ALK: variants seen among roughly 807,000 people sequenced by gnomAD.
ALK encodes ALK receptor tyrosine kinase.
A neutral mutation model predicts 163.1 loss-of-function variants in ALK; 74 were observed. The observed-to-expected ratio is 0.45, with a 90% CI of 0.38 to 0.55. The LOEUF is 0.55. Ranked by LOEUF, ALK falls within the 20% of genes least tolerant of loss-of-function variation. The pLI is 0.00. For synonymous variants in ALK, 960 were observed against 843.2 expected (o/e 1.14, Z -2.40); for missense variants, 2,063 against 2,105.3 (o/e 0.98, Z 0.39).
chr2:29,233,625 T>G lies in ALK; in HGVS notation c.2427A>C (p.Arg809Ser). ...NVIEEEIRVNRSVHEWAGGGG... is the reference protein window; with the variant it reads ...NVIEEEIRVNSSVHEWAGGGG... ...CGCCTCCTGCCCACTCATGCACGCT[T>G]CTGTTCACACGGATTTCTTCTTCTA... The change falls in exon 14 of 29, where the codon AGA becomes AGC. Residue 809 changes from arginine (R) to serine (S), a missense_variant. Physicochemically the swap from Arg to Ser is moderately radical, Grantham distance 110. Around this residue, in one of 5 missense-constraint regions of ALK, gnomAD observed 575 missense variants for 626.6 expected, o/e 0.92. Coordinates refer to ENST00000389048, the MANE Select transcript of ALK (RefSeq NM_004304.5). 2 of 1,614,252 alleles carry G rather than the reference T, an allele frequency of 1.2e-6. No individual in the cohort carries two copies. The highest frequency in any genetic ancestry group is 1.7e-6 in the Non-Finnish European group (2 of 1,180,046).
intron 3 of ALK, among the ~76,000 whole-genome samples, chr2:29,649,253 CGT>C (rs141701874): frequency 2.0e-4 from 28 of 138,382 alleles, no homozygotes; most frequent in South Asian, 1.6e-3. Flanking sequence ...AAAGTGCGTG[CGT>C]GTGTGTGTGT....
intron 11 of ALK, among the ~76,000 whole-genome samples, chr2:29,272,235 G>A (rs1665411736): frequency 6.6e-6 from 1 of 151,844 alleles, no homozygotes; most frequent in Admixed American, 6.6e-5. Flanking sequence ...GCAGCCCCGT[G>A]GTCACATTAC....
At chr2:29,739,674 G>T (rs1679997338) in intron 1 of ALK, among the ~76,000 whole-genome samples, 2 of 151,966 alleles carry the variant, frequency 1.3e-5, no homozygotes, top group Admixed American at 6.6e-5. Context: ...ATATATTCGA[G>T]CCTCCTTTTT....
chr2:29,419,612 T>C (rs746964325), intron 4 of ALK, among the ~76,000 whole-genome samples: 2 of 151,482 alleles, frequency 1.3e-5, no homozygotes, highest in African/African-American at 2.5e-5. Flanking sequence ...AAAATGAGAA[T>C]GGTCATTTGT....
At chr2:29,474,242 T>G (rs1405622561) in intron 4 of ALK, among the ~76,000 whole-genome samples, 1 of 152,180 alleles carries the variant, frequency 6.6e-6, no homozygotes, top group African/African-American at 2.4e-5. Context: ...TAGTTAATAC[T>G]ATCAAATAAA....
Position 29,196,858 on chromosome 2 carries a change from T to TATCTAAAAG in ALK, c.4074-7_4075dup (p.Val1358_Tyr1359insSerPheArg). ...TTGCCAGCACTGAGTCATTATCCGG[T>TATCTAAAAG]ATCTAAAAGAAGAAGCACATTAATT... On this transcript the variant is annotated inframe_insertion and splice_region_variant, in exon 28 of 29. Coordinates refer to ENST00000389048, the MANE Select transcript of ALK (RefSeq NM_004304.5). 6.2e-7 allele frequency: 1 copy of TATCTAAAAG among 1,610,306 alleles called. No individual in the cohort carries two copies. The highest frequency in any genetic ancestry group is 8.5e-7 in the Non-Finnish European group (1 of 1,176,526).
At chr2:29,251,710 C>G (rs1385538566) in intron 11 of ALK, among the ~76,000 whole-genome samples, 2 of 152,234 alleles carry the variant, frequency 1.3e-5, no homozygotes, top group East Asian at 3.8e-4. Context: ...GGGCAAACAA[C>G]AGGTGCTCAA....
intron 1 of ALK, among the ~76,000 whole-genome samples, chr2:29,822,513 T>C (rs1665075438): frequency 6.6e-6 from 1 of 152,214 alleles, no homozygotes. Context: ...GGCTGCCTCA[T>C]TTCAGCCAGC....
intron 6 of ALK, among the ~76,000 whole-genome samples, chr2:29,327,700 AT>A (rs1470158987): frequency 6.6e-6 from 1 of 152,200 alleles, no homozygotes; most frequent in Non-Finnish European, 1.5e-5. Context: ...AAGTGGGTGA[AT>A]TGTATGTGAA....
Position 29,792,846 on chromosome 2 carries a change from G to A in ALK, c.668-75149C>T, listed in dbSNP as rs76914512. Among the ~76,000 whole-genome samples the A allele has an allele frequency of 5.6e-3, 859 of 152,252 alleles. 12 individuals carry two copies. Among genetic ancestry groups the A allele is most frequent in the African/African-American group, 0.019 (782 of 41,546 alleles). ...AAAATACTTTATTGCTAAAATGGCTGACAATCATCTGGGTCTTTGGTGAGT... is the reference window on the plus strand; with the variant it reads ...AAAATACTTTATTGCTAAAATGGCTAACAATCATCTGGGTCTTTGGTGAGT... On this transcript the variant is annotated intron_variant, in intron 1 of 28. Coordinates refer to ENST00000389048, the MANE Select transcript of ALK (RefSeq NM_004304.5).
At chr2:29,297,121 C>A in intron 8 of ALK, 64 bp from the exon 9 acceptor site, 1 of 1,603,384 alleles carries the variant, frequency 6.2e-7, no homozygotes, top group South Asian at 1.1e-5. Flanking sequence ...TTCTGGAATT[C>A]TCCACTGAAG....
chr2:29,787,814 C>G (rs1336568485), intron 1 of ALK, among the ~76,000 whole-genome samples: 1 of 152,124 alleles, frequency 6.6e-6, no homozygotes. Context: ...GACCTACATC[C>G]CAACCAAATG....
intron 1 of ALK, among the ~76,000 whole-genome samples, chr2:29,792,049 A>C (rs1031342342): frequency 1.3e-5 from 2 of 152,244 alleles, no homozygotes; most frequent in African/African-American, 4.8e-5. Flanking sequence ...ATTCTAACCA[A>C]AACATGAATA....
chr2:29,310,180 G>C (rs907085451), intron 8 of ALK, among the ~76,000 whole-genome samples: 2 of 152,196 alleles, frequency 1.3e-5, no homozygotes, highest in African/African-American at 4.8e-5. Flanking sequence ...AGTATTTATA[G>C]ATTTGGTTGG....
At chr2:29,901,504 C>T (rs982766544) in intron 1 of ALK, among the ~76,000 whole-genome samples, 2 of 152,170 alleles carry the variant, frequency 1.3e-5, no homozygotes, top group African/African-American at 4.8e-5. Context: ...CAAAGGCAAG[C>T]TTGGTGCCAG....
intron 3 of ALK, among the ~76,000 whole-genome samples, chr2:29,552,564 T>C (rs1351678306): frequency 6.6e-6 from 1 of 152,204 alleles, no homozygotes; most frequent in Non-Finnish European, 1.5e-5. Context: ...TGCGAAGTGG[T>C]ATCCCATGGT....
intron 4 of ALK, among the ~76,000 whole-genome samples, chr2:29,522,748 G>T (rs1372469833): frequency 1.3e-5 from 2 of 152,188 alleles, no homozygotes; most frequent in African/African-American, 4.8e-5. Context: ...TTCTTGCAAA[G>T]TGGGGACTGA....
At chr2:29,226,826 G>T in intron 18 of ALK, 96 bp downstream of exon 18, 2 of 1,509,102 alleles carry the variant, frequency 1.3e-6, no homozygotes, top group South Asian at 2.2e-5. Context: ...TTACAAAACC[G>T]AATCCAGGGT....
chr2:29,588,044 C>T (rs569769203), intron 3 of ALK, among the ~76,000 whole-genome samples: 2 of 152,102 alleles, frequency 1.3e-5, no homozygotes, highest in Non-Finnish European at 1.5e-5. Flanking sequence ...TGTCCCCATC[C>T]TGGACAGATT....
Sources: allele counts gnomAD v4.1 joint callset (sites outside exome capture counted in the v4.1 genomes callset), GRCh38; gene constraint gnomAD v4.1.1; regional missense constraint gnomAD v4.1.1; transcripts MANE v1.5; gene names NCBI Gene and HGNC (gene_info 2026-07-23, HGNC 2026-07-21).